Variants in NRXN1 observed in about 807,000 individuals in gnomAD.
NRXN1 encodes the protein neurexin 1, also known as neurexin-1.
In NRXN1, 39 loss-of-function variants were observed where a neutral mutation model predicts 150.9. That is an observed-to-expected ratio of 0.26 (90% CI 0.20 to 0.34). NRXN1 has a LOEUF of 0.34. Ranked by LOEUF, NRXN1 falls within the 10% of genes least tolerant of loss-of-function variation. NRXN1 has a pLI of 1.00. For missense variants in NRXN1, 1,815 were observed against 1,949.9 expected (o/e 0.93, Z 1.30); for synonymous variants, 924 against 757.0 (o/e 1.22, Z -3.62).
chr2:50,020,804 A>G (rs6754803), intron 21 of NRXN1, among the ~76,000 whole-genome samples: 104,110 of 152,024 alleles, frequency 0.68, 35,853 homozygotes, highest in Middle Eastern at 0.75. Flanking sequence ...GTGTGTATGT[A>G]TGTATAATTA....
chr2:50,673,457 G>A (rs144417700), intron 5 of NRXN1, among the ~76,000 whole-genome samples: 2 of 152,098 alleles, frequency 1.3e-5, no homozygotes, highest in Admixed American at 6.5e-5. Context: ...CTTTCAGGTA[G>A]AAACAAATGT....
intron 2 of NRXN1, among the ~76,000 whole-genome samples, chr2:50,926,875 C>G (rs1023160176): frequency 1.1e-4 from 16 of 151,334 alleles, no homozygotes; most frequent in Admixed American, 4.0e-4. Context: ...TTTGTATTTC[C>G]CAAGATAATC....
intron 5 of NRXN1, among the ~76,000 whole-genome samples, chr2:50,876,239 A>G (rs1678572872): frequency 6.6e-6 from 1 of 151,474 alleles, no homozygotes; most frequent in African/African-American, 2.4e-5. Context: ...TTTTTTTTCT[A>G]CCTAACTGAA....
chr2:50,820,220 T>A (rs9309203), intron 5 of NRXN1, among the ~76,000 whole-genome samples: 12 of 151,974 alleles, frequency 7.9e-5, no homozygotes, highest in Admixed American at 5.9e-4. Context: ...GAACTTACTA[T>A]CCTTTCTATT....
At chr2:51,016,060 AT>A (rs1472542252) in intron 2 of NRXN1, among the ~76,000 whole-genome samples, 3 of 152,166 alleles carry the variant, frequency 2.0e-5, no homozygotes, top group Non-Finnish European at 1.5e-5. Flanking sequence ...GACCTCAGAA[AT>A]AATGCCACAC....
rs78496825 is a variant in NRXN1 at position 50,939,210 on chromosome 2, CAAAAAAAAAAA to C, written c.773-13266_773-13256del. On this transcript the variant is annotated intron_variant, in intron 2 of 22. Coordinates refer to ENST00000401669, the MANE Select transcript of NRXN1 (RefSeq NM_001330078.2). ...TGGGCAACAGAGCGAGACTCCATCT[CAAAAAAAAAAA>C]AAAAAAAAAAAAAAAATTAAATGTA... is the stretch of plus-strand genomic sequence containing the variant. 2.5e-3 allele frequency among the ~76,000 whole-genome samples: 173 copies of C among 68,302 alleles called. 2 individuals are homozygous for C. The highest frequency in any genetic ancestry group is 8.4e-3 in the African/African-American group (166 of 19,784). 44.8% of individuals were successfully genotyped at this position (68,302 alleles called of 152,430 possible).
chr2:50,811,991 G>T (rs3914729), intron 5 of NRXN1, among the ~76,000 whole-genome samples: 29,652 of 151,804 alleles, frequency 0.2, 2,972 homozygotes, highest in Non-Finnish European at 0.2. Flanking sequence ...TGACACCTTG[G>T]GATTATCTAG....
intron 21 of NRXN1, among the ~76,000 whole-genome samples, chr2:49,967,787 G>A (rs543707637): frequency 6.6e-6 from 1 of 152,010 alleles, no homozygotes; most frequent in Non-Finnish European, 1.5e-5. Flanking sequence ...TGGAAAACTA[G>A]AAAGTCAGGA....
At chr2:50,811,400 C>T (rs893407825) in intron 5 of NRXN1, among the ~76,000 whole-genome samples, 1 of 152,178 alleles carries the variant, frequency 6.6e-6, no homozygotes, top group African/African-American at 2.4e-5. Context: ...TCCAGATATA[C>T]AATAAGTGAT....
rs181687014 is a variant in NRXN1 at position 50,668,926 on chromosome 2, A to C, written c.833-45311T>G. On this transcript the variant is annotated intron_variant, in intron 5 of 22. Transcript: ENST00000401669. Reference sequence around the variant, plus strand: ...CCCAGATGCATTGTGATATACAAAAAGCATAGGCTGTTTTTCAGTGTCGAA... The same window carrying C: ...CCCAGATGCATTGTGATATACAAAACGCATAGGCTGTTTTTCAGTGTCGAA... 1.6e-4 allele frequency among the ~76,000 whole-genome samples: 24 copies of C among 152,116 alleles called. No individual in the cohort carries two copies. In the South Asian group the frequency reaches 1.9e-3, roughly 12 times the overall value.
intron 2 of NRXN1, among the ~76,000 whole-genome samples, chr2:50,942,645 C>T (rs966141037): frequency 1.3e-5 from 2 of 152,092 alleles, no homozygotes; most frequent in Non-Finnish European, 2.9e-5. Flanking sequence ...GCCTGTAGCC[C>T]CTTTGTTTGG....
chr2:51,024,094 A>C (rs945904099), intron 2 of NRXN1, among the ~76,000 whole-genome samples: 1 of 152,234 alleles, frequency 6.6e-6, no homozygotes, highest in African/African-American at 2.4e-5. Flanking sequence ...TAAACTGGAT[A>C]GCTATGAAAT....
chr2:50,901,899 G>A (rs1005015414), intron 5 of NRXN1, among the ~76,000 whole-genome samples: 6 of 152,106 alleles, frequency 3.9e-5, no homozygotes, highest in African/African-American at 7.2e-5. Context: ...ATTGCAACAC[G>A]CATGGCGAAT....
chr2:50,016,630 C>T (rs921265147), intron 21 of NRXN1: 1 of 152,092 alleles, frequency 6.6e-6, no homozygotes, highest in South Asian at 2.1e-4. Flanking sequence ...GCTTATAAAA[C>T]CATCTGCTCT....
chr2:50,707,216 T>A (rs1369297133), intron 5 of NRXN1, among the ~76,000 whole-genome samples: 2 of 152,182 alleles, frequency 1.3e-5, no homozygotes, highest in Non-Finnish European at 2.9e-5. Flanking sequence ...CACAGTGGAA[T>A]GATAAGTGAT....
intron 17 of NRXN1, among the ~76,000 whole-genome samples, chr2:50,373,619 G>GAA (rs1558619726): frequency 2.8e-5 from 3 of 108,262 alleles, no homozygotes; most frequent in Admixed American, 2.1e-4. Context: ...AAGAGAGAGA[G>GAA]AGAAAGAAAA....
At chr2:50,728,568 G>A (rs1215282065) in intron 5 of NRXN1, among the ~76,000 whole-genome samples, 1 of 152,012 alleles carries the variant, frequency 6.6e-6, no homozygotes, top group African/African-American at 2.4e-5. Flanking sequence ...TATGTTTTTG[G>A]TTTGATTATG....
At chr2:50,841,006 T>C (rs1453343350) in intron 5 of NRXN1, 1 of 152,608 alleles carries the variant, frequency 6.6e-6, no homozygotes, top group Non-Finnish European at 1.5e-5. Flanking sequence ...AATTCAGCTA[T>C]GTCAACGTTG....
At chr2:50,220,495 T>G (rs1252062977) in intron 18 of NRXN1, among the ~76,000 whole-genome samples, 1 of 152,006 alleles carries the variant, frequency 6.6e-6, no homozygotes, top group Non-Finnish European at 1.5e-5. Context: ...CCATGGGATT[T>G]GAACCAGCCT....
Sources: allele counts gnomAD v4.1 joint callset (sites outside exome capture counted in the v4.1 genomes callset), GRCh38; gene constraint gnomAD v4.1.1; transcripts MANE v1.5; gene names NCBI Gene and HGNC (gene_info 2026-07-23, HGNC 2026-07-21).